SAMD4A: variants seen among roughly 807,000 people sequenced by gnomAD.
SAMD4A encodes the protein sterile alpha motif domain containing 4A, also known as protein Smaug homolog 1.
In SAMD4A, 33 loss-of-function variants were observed where a neutral mutation model predicts 81.3. That is an observed-to-expected ratio of 0.41 (90% CI 0.31 to 0.54). The LOEUF (loss-of-function observed/expected upper bound fraction) is 0.54. Among genes scored for constraint, SAMD4A ranks in the 20% least tolerant of loss-of-function variants. SAMD4A has a pLI of 0.37. For synonymous variants in SAMD4A, 389 were observed against 382.1 expected (o/e 1.02, Z -0.21); for missense variants, 854 against 951.1 (o/e 0.90, Z 1.34).
chr14:54,570,046 C>T (rs942121884), intron 2 of SAMD4A, among the ~76,000 whole-genome samples: 1 of 152,194 alleles, frequency 6.6e-6, no homozygotes, highest in Non-Finnish European at 1.5e-5. Context: ...AAGATACCCA[C>T]CTGTTCATGC....
At position 54,567,906 on chromosome 14, in the gene SAMD4A, G is replaced by GC; in HGVS notation, c.-6dup. ...CAGGGGGCTCTGTAGACCGAGGGCG[G>GC]CCCCCTAACCATGATGTTTCGCGAC... is the stretch of plus-strand genomic sequence containing the variant. On this transcript the variant is annotated 5_prime_UTR_variant, in exon 2 of 13. Transcript: ENST00000554335. 6.2e-7 allele frequency: 1 copy of GC among 1,603,440 alleles called. No individual in the cohort carries two copies.
At chr14:54,785,424 G>GA (rs2039113479) in intron 12 of SAMD4A, among the ~76,000 whole-genome samples, 2 of 152,228 alleles carry the variant, frequency 1.3e-5, no homozygotes, top group African/African-American at 2.4e-5. Flanking sequence ...GCAGGCAGAG[G>GA]AGAGAAGAGA....
At chr14:54,757,419 G>T (rs1328225640) in intron 6 of SAMD4A, among the ~76,000 whole-genome samples, 7 of 144,176 alleles carry the variant, frequency 4.9e-5, no homozygotes, top group African/African-American at 1.7e-4. Context: ...GTGTGTGTGT[G>T]TGTGTGTGTT....
At chr14:54,667,779 T>A (rs1254840888) in intron 2 of SAMD4A, among the ~76,000 whole-genome samples, 1 of 152,224 alleles carries the variant, frequency 6.6e-6, no homozygotes, top group African/African-American at 2.4e-5. Context: ...TGGGTCCTGC[T>A]TACTGAGTCT....
chr14:54,578,364 G>A lies in SAMD4A; in HGVS notation c.196+10252G>A, dbSNP rs150300061. On this transcript the variant is annotated intron_variant, in intron 2 of 12. Coordinates refer to ENST00000554335, the MANE Select transcript of SAMD4A (RefSeq NM_015589.6). ...ATTGAGAGCAGAGGAGAAAGAGAGAGAGAGAGACAAGATGAGTAAATGAAT... is the reference window on the plus strand; with the variant it reads ...ATTGAGAGCAGAGGAGAAAGAGAGAAAGAGAGACAAGATGAGTAAATGAAT... Among the ~76,000 whole-genome samples, 915 of 152,192 alleles carry A rather than the reference G, an allele frequency of 6.0e-3. 17 individuals carry two copies. Among genetic ancestry groups the A allele is most frequent in the African/African-American group, 0.021 (881 of 41,520 alleles).
chr14:54,607,919 G>A (rs897330867), intron 2 of SAMD4A, among the ~76,000 whole-genome samples: 19 of 151,354 alleles, frequency 1.3e-4, no homozygotes, highest in Non-Finnish European at 1.5e-4. Context: ...GGGAGGCTGA[G>A]GCAGGAGAAT....
intron 2 of SAMD4A, among the ~76,000 whole-genome samples, chr14:54,568,510 C>T (rs2033019489): frequency 6.6e-6 from 1 of 151,372 alleles, no homozygotes; most frequent in African/African-American, 2.4e-5. Context: ...TGGATTTCAG[C>T]AACACATGAT....
intron 10 of SAMD4A, 39 bp from the exon 11 acceptor site, chr14:54,776,375 G>T: frequency 6.3e-7 from 1 of 1,576,528 alleles, no homozygotes. Flanking sequence ...ACCCCAGTGG[G>T]GCTGAACTAA....
At chr14:54,686,381 C>T (rs1267550250) in intron 2 of SAMD4A, among the ~76,000 whole-genome samples, 1 of 152,196 alleles carries the variant, frequency 6.6e-6, no homozygotes, top group Non-Finnish European at 1.5e-5. Context: ...TGATTTCATT[C>T]TGCCCTTTTT....
intron 2 of SAMD4A, among the ~76,000 whole-genome samples, chr14:54,661,143 A>T (rs1357403083): frequency 6.6e-6 from 1 of 152,218 alleles, no homozygotes; most frequent in Non-Finnish European, 1.5e-5. Context: ...CAAGATCATA[A>T]AGTAGCTTTA....
intron 2 of SAMD4A, among the ~76,000 whole-genome samples, chr14:54,698,976 A>G (rs1046344129): frequency 3.3e-5 from 5 of 151,806 alleles, no homozygotes; most frequent in Non-Finnish European, 7.4e-5. Flanking sequence ...AGAATGTCCA[A>G]TCAGGGAAAT....
intron 2 of SAMD4A, among the ~76,000 whole-genome samples, chr14:54,684,612 G>GC (rs780497625): frequency 0.021 from 1,750 of 81,708 alleles, 34 homozygotes; most frequent in African/African-American, 0.069. Context: ...AGACACCCCC[G>GC]CCCCCCCCCC....
intron 3 of SAMD4A, among the ~76,000 whole-genome samples, chr14:54,727,498 A>T (rs1279987261): frequency 1.3e-5 from 2 of 152,026 alleles, no homozygotes; most frequent in African/African-American, 2.4e-5. Context: ...CTTGGGGGCC[A>T]TTTTAAATGG....
chr14:54,725,237 T>G (rs78236572), intron 3 of SAMD4A, among the ~76,000 whole-genome samples: 2,000 of 152,314 alleles, frequency 0.013, 41 homozygotes, highest in African/African-American at 0.045. Flanking sequence ...CTTACAAATG[T>G]CAGGACAAAG....
intron 11 of SAMD4A, 49 bp downstream of exon 11, chr14:54,776,589 T>C (rs1261320916): frequency 2.1e-6 from 3 of 1,459,658 alleles, no homozygotes; most frequent in Non-Finnish European, 1.8e-6. Flanking sequence ...GAGGCCAAAA[T>C]AGATGCCCTA....
intron 2 of SAMD4A, among the ~76,000 whole-genome samples, chr14:54,638,195 G>A (rs1227064507): frequency 6.6e-6 from 1 of 152,190 alleles, no homozygotes; most frequent in Non-Finnish European, 1.5e-5. Context: ...CACAGTAGAT[G>A]CCACAGGCTT....
At chr14:54,706,612 AAAAAG>A (rs869095847) in intron 3 of SAMD4A, among the ~76,000 whole-genome samples, 80 of 121,658 alleles carry the variant, frequency 6.6e-4, no homozygotes, top group Admixed American at 1.1e-3. Flanking sequence ...CTCAAAAAAA[AAAAAG>A]AAAGAAAGAA....
At chr14:54,671,066 T>G (rs2035871072) in intron 2 of SAMD4A, among the ~76,000 whole-genome samples, 1 of 152,134 alleles carries the variant, frequency 6.6e-6, no homozygotes. Context: ...GGATTCTGTC[T>G]TCAAGAAGCT....
intron 6 of SAMD4A, among the ~76,000 whole-genome samples, chr14:54,756,163 T>C (rs940797439): frequency 6.6e-6 from 1 of 152,236 alleles, no homozygotes; most frequent in Non-Finnish European, 1.5e-5. Flanking sequence ...GTGCATTGTA[T>C]ACTTTTTAAA....
Sources: allele counts gnomAD v4.1 joint callset (sites outside exome capture counted in the v4.1 genomes callset), GRCh38; gene constraint gnomAD v4.1.1; transcripts MANE v1.5; gene names NCBI Gene and HGNC (gene_info 2026-07-23, HGNC 2026-07-21).